The following SGK1 variants were observed in gnomAD, a reference collection of about 807,000 sequenced individuals.
SGK1 encodes the protein serum/glucocorticoid regulated kinase 1, also known as serine/threonine-protein kinase Sgk1.
SGK1 carries 26 observed loss-of-function variants against 64.2 expected under a neutral mutation model. The ratio of observed to expected loss-of-function variants is 0.40; its 90% confidence interval spans 0.30 to 0.56. The LOEUF (loss-of-function observed/expected upper bound fraction) is 0.56, where lower values mean the gene tolerates loss of function less well. SGK1 is among the 20% of genes least tolerant of loss of function. The pLI, the probability that SGK1 is intolerant of heterozygous loss-of-function variation, is 0.38. For synonymous variants in SGK1, 265 were observed against 239.7 expected, an observed-to-expected ratio of 1.11 and a Z score of -0.98; for missense variants, 519 against 645.6, an observed-to-expected ratio of 0.80 and a Z score of 2.12.
intron 2 of SGK1, among the ~76,000 whole-genome samples, chr6:134,235,671 A>C (rs1044791357): frequency 1.3e-5 from 2 of 151,816 alleles, no homozygotes; most frequent in African/African-American, 4.8e-5. Context: ...TCCAGGGTTC[A>C]AGTGATTCTC....
chr6:134,287,544 C>T (rs1276298001), intron 1 of SGK1, among the ~76,000 whole-genome samples: 2 of 145,692 alleles, frequency 1.4e-5, no homozygotes, highest in African/African-American at 2.5e-5. Flanking sequence ...TTGGAAAATA[C>T]GTTTTGGATT....
Position 134,174,086 on chromosome 6 carries a change from G to A in SGK1, c.438-6C>T, listed in dbSNP as rs1477740499. The A allele has an allele frequency of 6.2e-7, 1 of 1,609,250 alleles. No homozygotes were observed. The highest frequency in any genetic ancestry group is 1.3e-5 in the African/African-American group (1 of 74,718). ...AGATGGACTGAACTTCAGGGCTGCAGGGAATAAAGGGCACGATTTAGAATC... is the reference window on the plus strand; with the variant it reads ...AGATGGACTGAACTTCAGGGCTGCAAGGAATAAAGGGCACGATTTAGAATC... On this transcript the variant is annotated splice_region_variant and splice_polypyrimidine_tract_variant and intron_variant, in intron 4 of 13. Coordinates refer to ENST00000367858, the MANE Select transcript of SGK1 (RefSeq NM_001143676.3).
intron 13 of SGK1, 162 bp downstream of exon 13, chr6:134,170,664 C>G: frequency 1.4e-6 from 1 of 696,100 alleles, no homozygotes; most frequent in Non-Finnish European, 2.4e-6. Context: ...ATTATGGGAG[C>G]CTTGTTGGGA....
chr6:134,277,434 C>G (rs1777033826), intron 1 of SGK1, among the ~76,000 whole-genome samples: 1 of 152,110 alleles, frequency 6.6e-6, no homozygotes, highest in Non-Finnish European at 1.5e-5. Context: ...TTTTCAAGCT[C>G]TATGTGACCT....
At position 134,177,313 on chromosome 6, in the gene SGK1, A is replaced by C. The variant is rs192673605; in HGVS notation, c.362-2727T>G. On this transcript the variant is annotated intron_variant, in intron 3 of 13. Coordinates refer to ENST00000367858, the MANE Select transcript of SGK1 (RefSeq NM_001143676.3). Reference sequence around the variant, plus strand: ...CCTAAAGCAATGTTTAGGCAATTTCAAATCACAGTAACTGGCCCATGTCTG... The same window carrying C: ...CCTAAAGCAATGTTTAGGCAATTTCCAATCACAGTAACTGGCCCATGTCTG... Among the ~76,000 whole-genome samples, 281 of 152,350 alleles carry C rather than the reference A, an allele frequency of 1.8e-3. 1 individual carries two copies. Among genetic ancestry groups the C allele is most frequent in the African/African-American group, 6.5e-3 (270 of 41,592 alleles).
chr6:134,288,090 C>T (rs1024474133), intron 1 of SGK1, among the ~76,000 whole-genome samples: 1 of 151,982 alleles, frequency 6.6e-6, no homozygotes, highest in African/African-American at 2.4e-5. Flanking sequence ...TGACTCAGAC[C>T]GGAAGGTTAG....
chr6:134,231,222 TGG>T (rs1434796098), intron 2 of SGK1, among the ~76,000 whole-genome samples: 5 of 152,138 alleles, frequency 3.3e-5, no homozygotes, highest in Admixed American at 2.6e-4. Flanking sequence ...AAAGATAACT[TGG>T]GACTGTGTAG....
chr6:134,200,648 A>T (rs945083310), intron 3 of SGK1, among the ~76,000 whole-genome samples: 1 of 152,244 alleles, frequency 6.6e-6, no homozygotes, highest in African/African-American at 2.4e-5. Context: ...TCACACCTGT[A>T]ATCCAAGCAC....
At chr6:134,310,500 G>A (rs1024784517) in intron 1 of SGK1, among the ~76,000 whole-genome samples, 1 of 152,236 alleles carries the variant, frequency 6.6e-6, no homozygotes, top group Non-Finnish European at 1.5e-5. Flanking sequence ...CTAAGACCAT[G>A]CTGAAAAGTG....
At chr6:134,244,628 C>T (rs953694010) in intron 2 of SGK1, among the ~76,000 whole-genome samples, 2 of 152,150 alleles carry the variant, frequency 1.3e-5, no homozygotes, top group African/African-American at 4.8e-5. Flanking sequence ...CTTCTGCTCG[C>T]CCTCCATGGG....
intron 3 of SGK1, among the ~76,000 whole-genome samples, chr6:134,198,827 C>A (rs1380572304): frequency 1.4e-5 from 2 of 144,110 alleles, no homozygotes; most frequent in Admixed American, 7.3e-5. Flanking sequence ...GCATGAGCTA[C>A]CAGTAGTGAT....
chr6:134,198,325 A>C (rs1775627773), intron 3 of SGK1, among the ~76,000 whole-genome samples: 1 of 152,226 alleles, frequency 6.6e-6, no homozygotes, highest in African/African-American at 2.4e-5. Flanking sequence ...TCTACCATGA[A>C]TATACTGGCC....
At chr6:134,226,693 C>CA (rs559207535) in intron 2 of SGK1, among the ~76,000 whole-genome samples, 5,779 of 130,106 alleles carry the variant, frequency 0.044, 363 homozygotes, top group African/African-American at 0.15. Flanking sequence ...GACCCTGTCT[C>CA]AAAAAAAAAA....
At chr6:134,282,609 C>T (rs765738220) in intron 1 of SGK1, among the ~76,000 whole-genome samples, 71 of 151,080 alleles carry the variant, frequency 4.7e-4, no homozygotes, top group Non-Finnish European at 9.9e-4. Context: ...GCTGAGATCA[C>T]ACCACCGCAC....
chr6:134,206,366 TATATATATATA>T (rs1775777268), intron 3 of SGK1, among the ~76,000 whole-genome samples: 6 of 8,524 alleles, frequency 7.0e-4, no homozygotes, highest in African/African-American at 1.1e-3. Context: ...TATATATATA[TATATATATATA>T]TATATATTTT....
At chr6:134,175,840 C>A in intron 3 of SGK1, 42 of 1,159,566 alleles carry the variant, frequency 3.6e-5, no homozygotes, top group East Asian at 8.6e-5. Flanking sequence ...TGCTTTTGGC[C>A]AAAACCAAGC....
intron 3 of SGK1, among the ~76,000 whole-genome samples, chr6:134,198,746 TGAAAACAGG>T (rs1775634691): frequency 1.4e-5 from 2 of 145,946 alleles, no homozygotes; most frequent in African/African-American, 2.6e-5. Flanking sequence ...TTTTTTTTTT[TGAAAACAGG>T]GTCTTACTCC....
intron 2 of SGK1, among the ~76,000 whole-genome samples, chr6:134,249,754 A>G (rs1201078018): frequency 2.0e-5 from 3 of 152,220 alleles, no homozygotes; most frequent in African/African-American, 4.8e-5. Context: ...GCATTCTGGT[A>G]TCCGTAACCC....
At chr6:134,301,126 T>C (rs1482074102) in intron 1 of SGK1, among the ~76,000 whole-genome samples, 1 of 152,162 alleles carries the variant, frequency 6.6e-6, no homozygotes, top group Non-Finnish European at 1.5e-5. Context: ...TAGCTCAAGA[T>C]GTGTGTGAGA....
Sources: allele counts gnomAD v4.1 joint callset (sites outside exome capture counted in the v4.1 genomes callset), GRCh38; gene constraint gnomAD v4.1.1; transcripts MANE v1.5; gene names NCBI Gene and HGNC (gene_info 2026-07-23, HGNC 2026-07-21).